DSP: variants seen among roughly 807,000 people sequenced by gnomAD.
DSP encodes desmoplakin.
Under a neutral mutation model 290.6 loss-of-function variants are expected in DSP, and 114 were observed. The observed-to-expected ratio is 0.39, with a 90% confidence interval of 0.34 to 0.46. The LOEUF is 0.46. Ranked by LOEUF, DSP falls within the 20% of genes least tolerant of loss-of-function variation. The pLI, the probability that DSP is intolerant of heterozygous loss-of-function variation, is 0.99. For missense variants in DSP, 3,230 were observed against 3,495.8 expected (o/e 0.92, Z 1.92); for synonymous variants, 1,311 against 1,316.4 (o/e 1.00, Z 0.09).
rs727504569 is a variant in DSP at position 7,585,414 on chromosome 6, C to A, written c.8152C>A (p.Leu2718Ile). The A allele has an allele frequency of 3.7e-6, 6 of 1,614,020 alleles. No individual in the cohort carries two copies. In the African/African-American group the frequency reaches 8.0e-5, roughly 22 times the overall value. ...SAAEAVKEKW[L>I]PYEAGQRFLE... ...AGCAGAGGCAGTGAAAGAAAAATGG[C>A]TCCCGTATGAGGCTGGCCAGCGCTT... The change falls in exon 24 of 24, where the codon CTC (leucine) becomes ATC (isoleucine). Residue 2718 changes from leucine (L) to isoleucine (I), a missense_variant. Transcript: ENST00000379802.
chr6:7,571,812 G>C (rs1471957223), intron 14 of DSP, 30 bp from the exon 15 acceptor site: 1 of 1,606,354 alleles, frequency 6.2e-7, no homozygotes, highest in Non-Finnish European at 8.5e-7. Flanking sequence ...GGTATTCTCT[G>C]ATTTTTGTGG....
chr6:7,569,048 T>C (rs1758950045), intron 11 of DSP, 138 bp from the exon 12 acceptor site: 2 of 1,133,470 alleles, frequency 1.8e-6, no homozygotes, highest in Non-Finnish European at 2.5e-6. Flanking sequence ...GGTTGTATGA[T>C]GATCAGCTTC....
At chr6:7,557,086 A>C (rs1272101847) in intron 2 of DSP, among the ~76,000 whole-genome samples, 3 of 152,248 alleles carry the variant, frequency 2.0e-5, no homozygotes. Flanking sequence ...TTTAGAGAAA[A>C]GAGGTTCATT....
rs1327990933 is a variant in DSP, at chr6:7,584,141, A to G, written c.6879A>G (p.Glu2293=). The G allele has an allele frequency of 2.5e-6, 4 of 1,614,082 alleles. No individual in the cohort carries two copies. The highest frequency in any genetic ancestry group is 4.5e-5 in the East Asian group (2 of 44,890). Residue 2293 remains glutamate, a synonymous_variant, in exon 24 of 24, where the codon GAA becomes GAG. Coordinates refer to ENST00000379802, the MANE Select transcript of DSP (RefSeq NM_004415.4). The surrounding 1 kb of genome is among the most constrained non-coding windows in gnomAD (Gnocchi z 6.4). ...VRPGTALELL[E]AQAATGFIVD... ...CTGGTACTGCTCTGGAGTTGCTGGA[A>G]GCCCAAGCAGCTACTGGCTTTATAG...
rs1759674121 is a variant in DSP, at chr6:7,586,331, C to T, written c.*453C>T. The T allele has an allele frequency of 1.1e-5, 2 of 176,004 alleles. No homozygotes were observed. The highest frequency in any genetic ancestry group is 2.4e-5 in the Non-Finnish European group (2 of 82,632). The allele number at this position is 176,004 out of a possible 1,614,324, so 10.9% of individuals were successfully genotyped here. On this transcript the variant is annotated 3_prime_UTR_variant, in exon 24 of 24. Transcript: ENST00000379802. ...TTACCCTCCCAGCACCAGCCCCCCT[C>T]TCAAACCCCCAACCCAAAACCAAGC... is the stretch of plus-strand genomic sequence containing the variant.
chr6:7,569,087 A>G, intron 11 of DSP, 99 bp from the exon 12 acceptor site: 2 of 1,529,686 alleles, frequency 1.3e-6, no homozygotes, highest in Non-Finnish European at 1.8e-6. Flanking sequence ...AAAAGCTTTA[A>G]TAATTCGCAT....
In DSP at chr6:7,579,230, G is replaced by T; in HGVS notation, c.3085-45G>T. The T allele has an allele frequency of 6.2e-7, 1 of 1,609,612 alleles. No homozygotes were observed. The stretch of plus-strand genomic sequence containing the variant: ...AAAAGTACTGCTTCTTTCTTGGAAT[G>T]TGAGGTGTTTTTCTTTTGACATAAT... On this transcript the variant is annotated intron_variant, in intron 22 of 23. Coordinates refer to ENST00000379802, the MANE Select transcript of DSP (RefSeq NM_004415.4). The surrounding 1 kb of genome is among the most constrained non-coding windows in gnomAD (Gnocchi z 4.1).
In DSP at chr6:7,548,935, G is replaced by A. The variant is rs571034853; in HGVS notation, c.171-6783G>A. ...GTGCCGAACCTTATTTATGTTGTTA[G>A]GTTAAGTGTTTGTAGGAGTCCAAGA... On this transcript the variant is annotated intron_variant, in intron 1 of 23. Coordinates refer to ENST00000379802, the MANE Select transcript of DSP (RefSeq NM_004415.4). 8.5e-5 allele frequency among the ~76,000 whole-genome samples: 13 copies of A among 152,288 alleles called. 1 individual carries two copies. The highest frequency in any genetic ancestry group is 3.1e-4 in the African/African-American group (13 of 41,554).
intron 20 of DSP, 50 bp downstream of exon 20, chr6:7,577,092 A>T: frequency 7.0e-7 from 1 of 1,431,718 alleles, no homozygotes; most frequent in East Asian, 2.3e-5. Flanking sequence ...ATTATTATTA[A>T]CTGCATGACT....
Position 7,578,574 on chromosome 6 carries a change from T to C in DSP, c.3084+12T>C. The C allele has an allele frequency of 1.3e-6, 2 of 1,596,724 alleles. No individual in the cohort carries two copies. Among genetic ancestry groups the C allele is most frequent in the Non-Finnish European group, 1.7e-6 (2 of 1,164,530 alleles). Reference sequence around the variant, plus strand: ...TGGAAGATCTGAAGGTAATTTATACTGTCTTTTCTTGTAGCGTCAAAAAAG... The same window carrying C: ...TGGAAGATCTGAAGGTAATTTATACCGTCTTTTCTTGTAGCGTCAAAAAAG... On this transcript the variant is annotated intron_variant, in intron 22 of 23. Transcript: ENST00000379802.
In DSP at chr6:7,585,755, GGGATCTCGCTCC is replaced by G. The variant is rs397516971; in HGVS notation, c.8508_8519del (p.Ser2843_Arg2846del). ...CGGGGTCCCGCTCCGGCTCCCGCTC[GGGATCTCGCTCC>G]GGATCTCGCTCCGGGTCCCGCAGTG... is the stretch of plus-strand genomic sequence containing the variant. On this transcript the variant is annotated inframe_deletion, in exon 24 of 24. Coordinates refer to ENST00000379802, the MANE Select transcript of DSP (RefSeq NM_004415.4). 324 of 1,609,570 alleles carry G rather than the reference GGGATCTCGCTCC, an allele frequency of 2.0e-4. 1 individual carries two copies. The highest frequency in any genetic ancestry group is 1.2e-3 in the African/African-American group (92 of 74,740).
chr6:7,557,100 C>T (rs560573879), intron 2 of DSP, among the ~76,000 whole-genome samples: 1 of 152,304 alleles, frequency 6.6e-6, no homozygotes, highest in South Asian at 2.1e-4. Flanking sequence ...GTTCATTTGA[C>T]TAAAGCCAAG....
intron 19 of DSP, 111 bp from the exon 20 acceptor site, chr6:7,576,848 A>G: frequency 1.1e-6 from 1 of 943,900 alleles, no homozygotes; most frequent in Non-Finnish European, 1.6e-6. Flanking sequence ...AAGTACATGT[A>G]GTAATAAACT....
chr6:7,561,998 A>G (rs1298645526), intron 4 of DSP, among the ~76,000 whole-genome samples: 1 of 152,200 alleles, frequency 6.6e-6, no homozygotes, highest in Non-Finnish European at 1.5e-5. Context: ...GTCAGATTTA[A>G]TTTTTTAAAA....
Position 7,584,167 on chromosome 6 carries a change from T to C in DSP, c.6905T>C (p.Val2302Ala), listed in dbSNP as rs1759551241. 6.2e-7 allele frequency: 1 copy of C among 1,614,054 alleles called. No homozygotes were observed. The change falls in exon 24 of 24, where the codon GTG (valine) becomes GCG (alanine). Residue 2302 changes from valine to alanine, a missense_variant. By Grantham distance (64) the Val-to-Ala change is moderately conservative (BLOSUM62 0). Coordinates refer to ENST00000379802, the MANE Select transcript of DSP (RefSeq NM_004415.4). This position sits in a 1 kb window ranked among gnomAD's most constrained non-coding sequence, Gnocchi z 6.4. The part of the protein sequence containing the change: ...LEAQAATGFI[V>A]DPVSNLRLPV... ...GCCCAAGCAGCTACTGGCTTTATAG[T>C]GGATCCTGTTAGCAACTTGAGGTTA...
chr6:7,559,373 ATGTT>A lies in DSP; in HGVS notation c.573_576del (p.Cys191TrpfsTer4). ...AGTTCACCAAACATGTCACCAGTGA[ATGTT>A]TGGGGTGGATGAGGCAGCAAAGGGT... On this transcript the variant is annotated frameshift_variant, in exon 4 of 24. Transcript: ENST00000379802. LOFTEE classifies it high-confidence loss of function. 1 of 1,613,008 alleles carries A rather than the reference ATGTT, an allele frequency of 6.2e-7. No homozygotes were observed. Among genetic ancestry groups the A allele is most frequent in the Non-Finnish European group, 8.5e-7 (1 of 1,180,014 alleles).
At position 7,569,233 on chromosome 6, in the gene DSP, G is replaced by A. The variant is rs1758961164; in HGVS notation, c.1467G>A (p.Glu489=). 6.2e-7 allele frequency: 1 copy of A among 1,614,206 alleles called. No homozygotes were observed. Among genetic ancestry groups the A allele is most frequent in the African/African-American group, 1.3e-5 (1 of 75,040 alleles). ...GDECILKDNN[E]RSKWYVTGPG... ...AGTGTATCCTGAAGGACAACAACGA[G>A]CGCAGCAAGTGGTACGTGACGGGCC... The change falls in exon 12 of 24, where the codon GAG becomes GAA. Residue 489 remains glutamate (E), a synonymous_variant. Coordinates refer to ENST00000379802, the MANE Select transcript of DSP (RefSeq NM_004415.4).
chr6:7,580,732 G>T lies in DSP; in HGVS notation c.4542G>T (p.Leu1514=). 1 of 1,614,058 alleles carries T rather than the reference G, an allele frequency of 6.2e-7. No individual in the cohort carries two copies. The highest frequency in any genetic ancestry group is 8.5e-7 in the Non-Finnish European group (1 of 1,179,972). ...NARLQRVQYD[L]QKANSSATET... ...GATTACAAAGGGTCCAGTATGACCTGCAGAAAGCAAACAGTAGTGCGACGG... is the reference window on the plus strand; with the variant it reads ...GATTACAAAGGGTCCAGTATGACCTTCAGAAAGCAAACAGTAGTGCGACGG... Residue 1514 remains leucine, a synonymous_variant, in exon 23 of 24, where the codon CTG becomes CTT. Coordinates refer to ENST00000379802, the MANE Select transcript of DSP (RefSeq NM_004415.4). The surrounding 1 kb of genome is among the most constrained non-coding windows in gnomAD (Gnocchi z 4.2).
intron 2 of DSP, among the ~76,000 whole-genome samples, chr6:7,557,288 C>T (rs1758530034): frequency 6.6e-6 from 1 of 152,232 alleles, no homozygotes; most frequent in Non-Finnish European, 1.5e-5. Context: ...CACCCAGCTT[C>T]GCCCAGTAGT....
Sources: gnomAD v4.1 joint callset for allele counts (sites outside exome capture counted in the v4.1 genomes callset) on GRCh38, gnomAD v4.1.1 for gene constraint, Gnocchi (gnomAD v3.1) non-coding constraint, MANE v1.5 for transcripts, NCBI Gene and HGNC (gene_info 2026-07-23, HGNC 2026-07-21) for gene names.